The following RPIA variants were observed in gnomAD, a reference collection of about 807,000 sequenced individuals.
The protein encoded by RPIA is ribose-5-phosphate isomerase.
RPIA carries 29 observed loss-of-function variants against 37.8 expected under a neutral mutation model. The ratio of observed to expected loss-of-function variants is 0.77; its 90% CI spans 0.57 to 1.05. The LOEUF is 1.05. Ranked by LOEUF, RPIA falls within the 50% of genes least tolerant of loss-of-function variation. The pLI is 0.00. For synonymous variants in RPIA, 167 were observed against 157.0 expected (o/e 1.06, Z -0.48); for missense variants, 385 against 413.6 (o/e 0.93, Z 0.60).
At chr2:88,726,487 G>T (rs1308127357) in intron 3 of RPIA, among the ~76,000 whole-genome samples, 3 of 152,056 alleles carry the variant, frequency 2.0e-5, no homozygotes, top group Non-Finnish European at 4.4e-5. Context: ...CTGATTTAAG[G>T]TATATTCATT....
chr2:88,736,869 A>G (rs1193163089), intron 7 of RPIA, among the ~76,000 whole-genome samples, 193 bp downstream of exon 7: 2 of 152,204 alleles, frequency 1.3e-5, no homozygotes, highest in Non-Finnish European at 2.9e-5. Flanking sequence ...TGTAGACAAG[A>G]CCACACTTAA....
At chr2:88,729,164 G>C (rs891267139) in intron 3 of RPIA, 114 bp from the exon 4 acceptor site, 2 of 1,092,384 alleles carry the variant, frequency 1.8e-6, no homozygotes, top group African/African-American at 3.1e-5. Context: ...GCCATGCTGG[G>C]CTTTGGGAGA....
Position 88,706,682 on chromosome 2 carries a change from A to G in RPIA, c.402+6618A>G, listed in dbSNP as rs953294832. On this transcript the variant is annotated intron_variant, in intron 3 of 8. Transcript: ENST00000283646. ...ATTTACCTATGTAACAAACCTGCAC[A>G]TGTATCCTGGAATTTTAAATTAAAA... Among the ~76,000 whole-genome samples the G allele has an allele frequency of 2.0e-5, 3 of 151,674 alleles. No homozygotes were observed. In the East Asian group the frequency reaches 5.8e-4, roughly 29 times the overall value.
chr2:88,694,416 T>C (rs1676985935), intron 1 of RPIA, among the ~76,000 whole-genome samples: 1 of 152,220 alleles, frequency 6.6e-6, no homozygotes, highest in Non-Finnish European at 1.5e-5. Context: ...GTGACATGAA[T>C]GTATGGCTAA....
intron 3 of RPIA, among the ~76,000 whole-genome samples, chr2:88,716,793 C>G (rs1177737589): frequency 1.3e-5 from 2 of 152,146 alleles, no homozygotes; most frequent in African/African-American, 4.8e-5. Flanking sequence ...AGAAAAACTC[C>G]CCCTTTGCCC....
chr2:88,734,686 C>A, intron 5 of RPIA, 70 bp downstream of exon 5: 1 of 1,490,516 alleles, frequency 6.7e-7, no homozygotes, highest in Non-Finnish European at 9.4e-7. Flanking sequence ...AAGATGGATA[C>A]AGAATAAACA....
intron 3 of RPIA, among the ~76,000 whole-genome samples, chr2:88,726,293 G>C (rs969123403): frequency 2.6e-5 from 4 of 152,224 alleles, no homozygotes; most frequent in Non-Finnish European, 4.4e-5. Flanking sequence ...TGTCCAACTC[G>C]TGGCCCAAGA....
intron 1 of RPIA, among the ~76,000 whole-genome samples, chr2:88,694,398 G>T (rs1676985314): frequency 6.6e-6 from 1 of 152,218 alleles, no homozygotes; most frequent in East Asian, 1.9e-4. Context: ...GCCTGCTGGG[G>T]ACTGTGAGTG....
At chr2:88,724,569 A>G (rs1177741114) in intron 3 of RPIA, among the ~76,000 whole-genome samples, 1 of 152,150 alleles carries the variant, frequency 6.6e-6, no homozygotes, top group African/African-American at 2.4e-5. Flanking sequence ...TCGGCCTTCC[A>G]AAGTGCTGGG....
intron 3 of RPIA, among the ~76,000 whole-genome samples, chr2:88,705,751 A>T (rs944644284): frequency 6.6e-6 from 1 of 152,244 alleles, no homozygotes; most frequent in Non-Finnish European, 1.5e-5. Flanking sequence ...AAAAGAAACT[A>T]TCATCAGAGT....
chr2:88,693,134 C>T (rs769627953), intron 1 of RPIA, among the ~76,000 whole-genome samples: 1 of 152,160 alleles, frequency 6.6e-6, no homozygotes, highest in African/African-American at 2.4e-5. Flanking sequence ...GCTGAAATTT[C>T]AAAATATCTG....
At chr2:88,735,189 C>T (rs576708703) in intron 5 of RPIA, among the ~76,000 whole-genome samples, 13 of 152,292 alleles carry the variant, frequency 8.5e-5, no homozygotes, top group Middle Eastern at 3.4e-3. Flanking sequence ...GTTACTTAAT[C>T]CTGTCAACTG....
intron 6 of RPIA, 83 bp downstream of exon 6, chr2:88,735,820 A>G: frequency 7.6e-7 from 1 of 1,322,200 alleles, no homozygotes; most frequent in Non-Finnish European, 1.1e-6. Context: ...GAAAGAGGAA[A>G]TGGAGAGCTG....
chr2:88,713,120 A>ATATATATATATATATATT (rs1041923467), intron 3 of RPIA, among the ~76,000 whole-genome samples: 2 of 65,280 alleles, frequency 3.1e-5, no homozygotes, highest in African/African-American at 1.6e-4. Context: ...ATATATATAT[A>ATATATATATATATATATT]TTTTTTTTTT....
chr2:88,724,104 A>G (rs1673167353), intron 3 of RPIA, among the ~76,000 whole-genome samples: 1 of 152,086 alleles, frequency 6.6e-6, no homozygotes, highest in Non-Finnish European at 1.5e-5. Flanking sequence ...TGGGGCCTCA[A>G]GTTTTATTTT....
chr2:88,713,820 T>C (rs2104097561), intron 3 of RPIA, among the ~76,000 whole-genome samples: 1 of 152,326 alleles, frequency 6.6e-6, no homozygotes, highest in African/African-American at 2.4e-5. Flanking sequence ...TTGAGCTTTC[T>C]TTGTTCTCAT....
chr2:88,692,021 C>T, intron 1 of RPIA, 38 bp downstream of exon 1: 2 of 1,547,850 alleles, frequency 1.3e-6, no homozygotes, highest in Admixed American at 1.9e-5. Flanking sequence ...GGCGCATGTC[C>T]TTGGCGTGAT....
At chr2:88,713,059 C>T (rs572517228) in intron 3 of RPIA, among the ~76,000 whole-genome samples, 41 of 131,788 alleles carry the variant, frequency 3.1e-4, no homozygotes, top group Non-Finnish European at 4.3e-4. Flanking sequence ...TTAGTAGAGA[C>T]GAGGTTTCAC....
At chr2:88,714,210 G>C (rs894327283) in intron 3 of RPIA, among the ~76,000 whole-genome samples, 1 of 150,948 alleles carries the variant, frequency 6.6e-6, no homozygotes, top group East Asian at 1.9e-4. Context: ...TCACTCTGTC[G>C]CCCAGGATGG....
Sources: allele counts gnomAD v4.1 joint callset (sites outside exome capture counted in the v4.1 genomes callset), GRCh38; gene constraint gnomAD v4.1.1; transcripts MANE v1.5; gene names NCBI Gene and HGNC (gene_info 2026-07-23, HGNC 2026-07-21).